LPGAT1: variants seen among roughly 807,000 people sequenced by gnomAD.
LPGAT1 encodes the protein acyl-CoA:lysophosphatidylglycerol acyltransferase 1.
In LPGAT1, 11 loss-of-function variants were observed where a neutral mutation model predicts 47.5. That is an observed-to-expected ratio of 0.23 (90% CI 0.15 to 0.38). The LOEUF is 0.38. Among genes scored for constraint, LPGAT1 ranks in the 10% least tolerant of loss-of-function variants. The probability of loss-of-function intolerance (pLI) is 1.00; values close to 1 mark genes in which losing one functional copy is unlikely to be tolerated. For missense variants in LPGAT1, 293 were observed against 439.0 expected (o/e 0.67, Z 2.97); for synonymous variants, 138 against 144.2 (o/e 0.96, Z 0.31).
At chr1:211,794,342 T>C (rs1251758359) in intron 2 of LPGAT1, among the ~76,000 whole-genome samples, 1 of 152,180 alleles carries the variant, frequency 6.6e-6, no homozygotes, top group Non-Finnish European at 1.5e-5. Context: ...TCTGTTACCT[T>C]GGCTGGAGTG....
intron 2 of LPGAT1, among the ~76,000 whole-genome samples, chr1:211,801,454 C>A (rs1259025656): frequency 6.6e-6 from 1 of 152,150 alleles, no homozygotes; most frequent in Admixed American, 6.5e-5. Flanking sequence ...GTGACTCACA[C>A]CTGTAATCCC....
chr1:211,774,361 C>G (rs1357765989), intron 6 of LPGAT1, among the ~76,000 whole-genome samples: 1 of 151,800 alleles, frequency 6.6e-6, no homozygotes, highest in Non-Finnish European at 1.5e-5. Context: ...AGTGATCTGC[C>G]CATCTCAGCC....
intron 6 of LPGAT1, among the ~76,000 whole-genome samples, chr1:211,762,581 A>G (rs985753919): frequency 6.6e-6 from 1 of 152,240 alleles, no homozygotes; most frequent in African/African-American, 2.4e-5. Context: ...AAATCAGAGG[A>G]GTGCTTGTGG....
At chr1:211,815,789 T>C (rs1457923925) in intron 2 of LPGAT1, among the ~76,000 whole-genome samples, 1 of 143,178 alleles carries the variant, frequency 7.0e-6, no homozygotes, top group African/African-American at 2.6e-5. Flanking sequence ...TTTTTTTTTT[T>C]TTTTTTTGAG....
Position 211,783,397 on chromosome 1 carries a change from A to G in LPGAT1, c.559T>C (p.Phe187Leu). The change falls in exon 5 of 8, where the codon TTC (phenylalanine) becomes CTC (leucine). Residue 187 changes from phenylalanine to leucine, a missense_variant. Transcript: ENST00000366997. ...CTTGTTTCTCGCCTCTTCCTGAGGA[A>G]GCCCCCTTCTGGAAACAAAACAATC... is the stretch of plus-strand genomic sequence containing the variant. ...KWIVLFPEGG[F>L]LRKRRETSQA... The G allele has an allele frequency of 6.2e-7, 1 of 1,614,190 alleles. No homozygotes were observed. Among genetic ancestry groups the G allele is most frequent in the Non-Finnish European group, 8.5e-7 (1 of 1,180,010 alleles).
chr1:211,783,237 T>TTA lies in LPGAT1; in HGVS notation c.717_718dup (p.Lys240IlefsTer4). 6.2e-7 allele frequency: 1 copy of TTA among 1,610,062 alleles called. No individual in the cohort carries two copies. The highest frequency in any genetic ancestry group is 8.5e-7 in the Non-Finnish European group (1 of 1,176,834). On this transcript the variant is annotated frameshift_variant, in exon 5 of 8. Coordinates refer to ENST00000366997, the MANE Select transcript of LPGAT1 (RefSeq NM_014873.3). LOFTEE classifies it high-confidence loss of function. ...GCTAAAAACCATCATACCTAATTCT[T>TTA]TAGCATCTCCTCCTGCTGGACTTCC... is the stretch of plus-strand genomic sequence containing the variant.
intron 2 of LPGAT1, among the ~76,000 whole-genome samples, chr1:211,815,602 T>A (rs986870759): frequency 6.6e-6 from 1 of 152,002 alleles, no homozygotes; most frequent in East Asian, 1.9e-4. Flanking sequence ...TACTTAAAAC[T>A]CTTCGATGGT....
At chr1:211,803,802 TCA>T (rs1277010903) in intron 2 of LPGAT1, among the ~76,000 whole-genome samples, 1 of 148,296 alleles carries the variant, frequency 6.7e-6, no homozygotes, top group Non-Finnish European at 1.5e-5. Flanking sequence ...GCTCTGTCAC[TCA>T]GACTGGAGTG....
chr1:211,797,832 C>T (rs1373324046), intron 2 of LPGAT1, among the ~76,000 whole-genome samples: 1 of 152,076 alleles, frequency 6.6e-6, no homozygotes, highest in Non-Finnish European at 1.5e-5. Context: ...GGGTCAGGTC[C>T]ACTATTTCCA....
intron 2 of LPGAT1, among the ~76,000 whole-genome samples, chr1:211,798,913 G>T (rs1453333559): frequency 6.6e-6 from 1 of 152,042 alleles, no homozygotes. Context: ...AAGCAGCCTT[G>T]CAAACAAACA....
At chr1:211,766,457 T>C (rs1657918744) in intron 6 of LPGAT1, among the ~76,000 whole-genome samples, 1 of 152,232 alleles carries the variant, frequency 6.6e-6, no homozygotes, top group Admixed American at 6.5e-5. Context: ...CTGAACATCA[T>C]AGCTTAACCT....
rs1656846765 is a variant in LPGAT1, at chr1:211,743,982, A to C, written c.*5917T>G. The stretch of plus-strand genomic sequence containing the variant: ...CTTAGAGATGCCTATACCACAGTTT[A>C]CTTAGCTTTGAGAAATGAAAAGTAT... On this transcript the variant is annotated 3_prime_UTR_variant, in exon 8 of 8. Transcript: ENST00000366997. The C allele has an allele frequency of 1.3e-5, 2 of 152,216 alleles. No homozygotes were observed. The highest frequency in any genetic ancestry group is 4.1e-4 in the South Asian group (2 of 4,834). The allele number at this position is 152,216 out of a possible 1,614,324, so 9.4% of individuals were successfully genotyped here. A position where few individuals can be genotyped will look rare whatever the true frequency, so the allele number is the denominator to read the frequency against.
intron 3 of LPGAT1, among the ~76,000 whole-genome samples, chr1:211,791,888 C>G (rs1447843729): frequency 6.6e-6 from 1 of 151,022 alleles, no homozygotes; most frequent in Non-Finnish European, 1.5e-5. Context: ...TTTACACTTC[C>G]TATAGTCACT....
intron 2 of LPGAT1, among the ~76,000 whole-genome samples, chr1:211,804,778 A>G (rs1280964598): frequency 1.3e-5 from 2 of 152,216 alleles, no homozygotes. Flanking sequence ...TATACAAACC[A>G]AAGAACTAAT....
chr1:211,799,366 C>G (rs1659476089), intron 2 of LPGAT1, among the ~76,000 whole-genome samples: 1 of 152,090 alleles, frequency 6.6e-6, no homozygotes, highest in African/African-American at 2.4e-5. Flanking sequence ...ACATTATTTT[C>G]TGATTTAATC....
At chr1:211,829,436 T>G (rs1278281778) in intron 1 of LPGAT1, 113 bp from the exon 2 acceptor site, 1 of 1,481,994 alleles carries the variant, frequency 6.7e-7, no homozygotes, top group Non-Finnish European at 8.9e-7. Flanking sequence ...GTCGAAGCTT[T>G]CCGGGTGTAG....
At chr1:211,793,277 AATG>A (rs1248234804) in intron 2 of LPGAT1, 87 bp from the exon 3 acceptor site, 21 of 784,864 alleles carry the variant, frequency 2.7e-5, no homozygotes, top group East Asian at 5.4e-5. Context: ...GATGTATATT[AATG>A]ATGATATGTC....
chr1:211,767,446 T>C (rs1657964408), intron 6 of LPGAT1, among the ~76,000 whole-genome samples: 1 of 152,212 alleles, frequency 6.6e-6, no homozygotes, highest in African/African-American at 2.4e-5. Context: ...TGAAAAGTTT[T>C]ATTAGTTTTT....
In LPGAT1 at chr1:211,787,161, A is replaced by G. The variant is rs182081699; in HGVS notation, c.453+471T>C. On this transcript the variant is annotated intron_variant, in intron 4 of 7. Transcript: ENST00000366997. ...CTTATCCATACTCAAATTTAGATTG[A>G]AATAAATGGTTAGGGAACAAAGATT... Among the ~76,000 whole-genome samples, 494 of 152,276 alleles carry G rather than the reference A, an allele frequency of 3.2e-3. 1 individual carries two copies. The highest frequency in any genetic ancestry group is 0.01 in the African/African-American group (435 of 41,554).
Sources: allele counts gnomAD v4.1 joint callset (sites outside exome capture counted in the v4.1 genomes callset), GRCh38; gene constraint gnomAD v4.1.1; transcripts MANE v1.5; gene names NCBI Gene and HGNC (gene_info 2026-07-23, HGNC 2026-07-21).